Variants in EPB41L4A observed in about 807,000 individuals in gnomAD.
EPB41L4A encodes erythrocyte membrane protein band 4.1 like 4A, also known as band 4.1-like protein 4A.
A neutral mutation model predicts 108.6 loss-of-function variants in EPB41L4A; 100 were observed. That is an observed-to-expected ratio of 0.92 (90% CI 0.78 to 1.09). The LOEUF is 1.09. EPB41L4A is among the 50% of genes least tolerant of loss of function. The pLI is 0.00. For synonymous variants in EPB41L4A, 319 were observed against 289.0 expected (o/e 1.10, Z -1.05); for missense variants, 1,030 against 842.7 (o/e 1.22, Z -2.75).
chr5:112,358,085 G>A (rs932040422), intron 1 of EPB41L4A, among the ~76,000 whole-genome samples: 3 of 152,216 alleles, frequency 2.0e-5, no homozygotes, highest in Non-Finnish European at 2.9e-5. Context: ...TGCCAACAAT[G>A]AGTGCCTGAT....
At chr5:112,241,401 A>G (rs367617841) in intron 9 of EPB41L4A, among the ~76,000 whole-genome samples, 47 of 152,348 alleles carry the variant, frequency 3.1e-4, no homozygotes, top group African/African-American at 1.0e-3. Context: ...TAATAGGTGT[A>G]TAATACATGC....
chr5:112,199,722 C>T (rs751127870), intron 15 of EPB41L4A, among the ~76,000 whole-genome samples: 9 of 152,152 alleles, frequency 5.9e-5, no homozygotes, highest in Admixed American at 2.0e-4. Flanking sequence ...CGCAACACAT[C>T]GAATTCAAAA....
At chr5:112,362,922 T>TC (rs1407229411) in intron 1 of EPB41L4A, among the ~76,000 whole-genome samples, 1 of 151,952 alleles carries the variant, frequency 6.6e-6, no homozygotes, top group Non-Finnish European at 1.5e-5. Flanking sequence ...TTATTATTTT[T>TC]TTTTAAAGGC....
intron 4 of EPB41L4A, among the ~76,000 whole-genome samples, chr5:112,270,794 T>C (rs943356748): frequency 6.6e-6 from 1 of 152,166 alleles, no homozygotes; most frequent in Non-Finnish European, 1.5e-5. Context: ...GGGAAGATTC[T>C]GGGTTGCAAA....
intron 12 of EPB41L4A, among the ~76,000 whole-genome samples, chr5:112,210,845 C>CA (rs1762703536): frequency 6.6e-6 from 1 of 151,888 alleles, no homozygotes; most frequent in Non-Finnish European, 1.5e-5. Flanking sequence ...AGGCCCTGTT[C>CA]AATTAGGTCT....
intron 9 of EPB41L4A, among the ~76,000 whole-genome samples, chr5:112,244,061 A>C (rs1165757345): frequency 6.6e-6 from 1 of 152,192 alleles, no homozygotes. Flanking sequence ...TTCCTCACTA[A>C]GCTTAATCAT....
At chr5:112,295,466 G>A (rs1468129946) in intron 2 of EPB41L4A, among the ~76,000 whole-genome samples, 1 of 152,116 alleles carries the variant, frequency 6.6e-6, no homozygotes, top group Admixed American at 6.5e-5. Context: ...CAAAGAATAA[G>A]CCCAAGATTA....
chr5:112,392,323 G>A (rs1299648724), intron 1 of EPB41L4A, among the ~76,000 whole-genome samples: 1 of 143,066 alleles, frequency 7.0e-6, no homozygotes, highest in South Asian at 2.3e-4. Context: ...CTGTATTCAG[G>A]AGACACATCT....
rs141792772 is a variant in EPB41L4A, at chr5:112,275,930, T to C, written c.257-526A>G. ...GTGCTCATGTGGAAAAGACCAACTATCTAAATTTCCGAGCACAGAAATATC... is the reference window on the plus strand; with the variant it reads ...GTGCTCATGTGGAAAAGACCAACTACCTAAATTTCCGAGCACAGAAATATC... On this transcript the variant is annotated intron_variant, in intron 3 of 22. Transcript: ENST00000261486. Among the ~76,000 whole-genome samples the C allele has an allele frequency of 3.4e-3, 522 of 152,186 alleles. 3 individuals carry two copies. Among genetic ancestry groups the C allele is most frequent in the African/African-American group, 0.012 (505 of 41,514 alleles).
At chr5:112,272,611 A>AT (rs1175785573) in intron 4 of EPB41L4A, among the ~76,000 whole-genome samples, 5 of 151,526 alleles carry the variant, frequency 3.3e-5, no homozygotes, top group Non-Finnish European at 5.9e-5. Context: ...GAAACCCTGA[A>AT]TCTACTAAAA....
In EPB41L4A at chr5:112,168,832, G is replaced by T. The variant is rs774082369; in HGVS notation, c.1851-12C>A. The stretch of plus-strand genomic sequence containing the variant: ...GATCTGTTTTTGAACTGCAGAGAAT[G>T]AGTTTTAGAATTAGTGACTGGAACA... On this transcript the variant is annotated splice_polypyrimidine_tract_variant and intron_variant, in intron 21 of 22. Coordinates refer to ENST00000261486, the MANE Select transcript of EPB41L4A (RefSeq NM_022140.5). 6.2e-7 allele frequency: 1 copy of T among 1,609,324 alleles called. No individual in the cohort carries two copies. Among genetic ancestry groups the T allele is most frequent in the Non-Finnish European group, 8.5e-7 (1 of 1,175,682 alleles).
intron 1 of EPB41L4A, among the ~76,000 whole-genome samples, chr5:112,393,231 A>C (rs1761071325): frequency 6.6e-6 from 1 of 152,228 alleles, no homozygotes; most frequent in South Asian, 2.1e-4. Flanking sequence ...AGCAAGAAAT[A>C]ACTAAGATCA....
intron 22 of EPB41L4A, among the ~76,000 whole-genome samples, chr5:112,167,135 A>AT (rs1266185726): frequency 6.6e-6 from 1 of 151,830 alleles, no homozygotes; most frequent in African/African-American, 2.4e-5. Context: ...AAAAAAAAAA[A>AT]AAAAACACCG....
At chr5:112,335,231 G>A (rs1324429906) in intron 1 of EPB41L4A, among the ~76,000 whole-genome samples, 1 of 152,196 alleles carries the variant, frequency 6.6e-6, no homozygotes, top group Non-Finnish European at 1.5e-5. Flanking sequence ...AACTGTGCTA[G>A]AGTCTGTATC....
chr5:112,356,645 A>G (rs1407554818), intron 1 of EPB41L4A, among the ~76,000 whole-genome samples: 1 of 152,192 alleles, frequency 6.6e-6, no homozygotes, highest in Admixed American at 6.5e-5. Context: ...GCCATAATCT[A>G]GTCTCCAGAG....
At chr5:112,330,745 T>C (rs1756509972) in intron 1 of EPB41L4A, among the ~76,000 whole-genome samples, 1 of 151,926 alleles carries the variant, frequency 6.6e-6, no homozygotes, top group Non-Finnish European at 1.5e-5. Context: ...ATTCTATCTT[T>C]GGTATAGGTT....
chr5:112,355,858 T>G (rs1758329457), intron 1 of EPB41L4A, among the ~76,000 whole-genome samples: 1 of 152,214 alleles, frequency 6.6e-6, no homozygotes, highest in South Asian at 2.1e-4. Flanking sequence ...TGAGTTTCAC[T>G]AGATCCTAGG....
chr5:112,403,520 C>A (rs1761909297), intron 1 of EPB41L4A, among the ~76,000 whole-genome samples: 1 of 152,164 alleles, frequency 6.6e-6, no homozygotes, highest in Non-Finnish European at 1.5e-5. Flanking sequence ...CTCTGTCACC[C>A]AGCCTGGAGT....
intron 12 of EPB41L4A, among the ~76,000 whole-genome samples, chr5:112,231,657 C>T (rs1454516370): frequency 2.0e-5 from 3 of 150,582 alleles, no homozygotes; most frequent in African/African-American, 7.3e-5. Flanking sequence ...CGGTGGCGGG[C>T]GCCTGTAGTC....
Sources: allele counts gnomAD v4.1 joint callset (sites outside exome capture counted in the v4.1 genomes callset), GRCh38; gene constraint gnomAD v4.1.1; transcripts MANE v1.5; gene names NCBI Gene and HGNC (gene_info 2026-07-23, HGNC 2026-07-21).